The following SFXN1 variants were observed in gnomAD, a reference collection of about 807,000 sequenced individuals.
The protein encoded by SFXN1 is sideroflexin 1.
A neutral mutation model predicts 39.5 loss-of-function variants in SFXN1; 32 were observed. The observed-to-expected ratio is 0.81, with a 90% CI of 0.61 to 1.09. SFXN1 has a LOEUF of 1.09. Ranked by LOEUF, SFXN1 falls within the 50% of genes least tolerant of loss-of-function variation. SFXN1 has a pLI of 0.00. For missense variants in SFXN1, 402 were observed against 407.1 expected (o/e 0.99, Z 0.11); for synonymous variants, 136 against 146.5 (o/e 0.93, Z 0.52).
At chr5:175,524,949 G>A (rs1056618751) in intron 10 of SFXN1, among the ~76,000 whole-genome samples, 14 of 152,168 alleles carry the variant, frequency 9.2e-5, no homozygotes, top group African/African-American at 3.4e-4. Context: ...TGAAAAATTA[G>A]AAAGTCAGAA....
chr5:175,492,858 A>T (rs1282514545), intron 2 of SFXN1, among the ~76,000 whole-genome samples: 1 of 152,204 alleles, frequency 6.6e-6, no homozygotes, highest in Non-Finnish European at 1.5e-5. Context: ...CTTTTTCTGT[A>T]AAAGATCATA....
intron 2 of SFXN1, among the ~76,000 whole-genome samples, chr5:175,506,678 T>C (rs1760314346): frequency 6.6e-6 from 1 of 152,180 alleles, no homozygotes; most frequent in Non-Finnish European, 1.5e-5. Context: ...TCATTTCTTT[T>C]TTTTTTGAGA....
At chr5:175,486,456 T>C (rs557907428) in intron 1 of SFXN1, among the ~76,000 whole-genome samples, 244 of 152,336 alleles carry the variant, frequency 1.6e-3, no homozygotes, top group African/African-American at 5.7e-3. Context: ...ATAATACTTA[T>C]ATTTTATAGA....
chr5:175,497,757 T>C (rs1581279423), intron 2 of SFXN1, among the ~76,000 whole-genome samples: 1 of 152,074 alleles, frequency 6.6e-6, no homozygotes, highest in South Asian at 2.1e-4. Context: ...GGTGAAATCC[T>C]GTCTGTGCAA....
intron 6 of SFXN1, among the ~76,000 whole-genome samples, chr5:175,513,130 G>T (rs552628184): frequency 1.3e-5 from 2 of 151,622 alleles, no homozygotes; most frequent in Non-Finnish European, 2.9e-5. Flanking sequence ...GCAAAACCCC[G>T]TCTCTACTAA....
rs1031492473 is a variant in SFXN1 at position 175,528,198 on chromosome 5, C to A, written c.*1464C>A. On this transcript the variant is annotated 3_prime_UTR_variant, in exon 11 of 11. Transcript: ENST00000321442. Reference sequence around the variant, plus strand: ...TGCTGGGATTACAAGCGTGAGCCACCGCACCCGGCCTGAAAATATTTTCTA... The same window carrying A: ...TGCTGGGATTACAAGCGTGAGCCACAGCACCCGGCCTGAAAATATTTTCTA... The A allele has an allele frequency of 6.6e-6, 1 of 151,896 alleles. No homozygotes were observed. Among genetic ancestry groups the A allele is most frequent in the African/African-American group, 2.4e-5 (1 of 41,334 alleles). The allele number at this position is 151,896 out of a possible 1,614,324, so 9.4% of individuals were successfully genotyped here.
intron 10 of SFXN1, among the ~76,000 whole-genome samples, chr5:175,524,543 T>C (rs1487602310): frequency 2.0e-5 from 3 of 151,938 alleles, no homozygotes; most frequent in Non-Finnish European, 4.4e-5. Flanking sequence ...ATGTGTTGCT[T>C]TGAGAGATAT....
intron 2 of SFXN1, among the ~76,000 whole-genome samples, chr5:175,507,977 A>ATAAAAAT (rs57408993): frequency 0.016 from 2,363 of 148,432 alleles, 31 homozygotes; most frequent in Non-Finnish European, 0.026. Flanking sequence ...TGTCTTTAAA[A>ATAAAAAT]AAAAAAAAAA....
intron 1 of SFXN1, 53 bp from the exon 2 acceptor site, chr5:175,492,042 T>C: frequency 7.2e-7 from 1 of 1,392,674 alleles, no homozygotes; most frequent in Non-Finnish European, 9.8e-7. Flanking sequence ...AGTTTCTAAA[T>C]ACGTAGTGAC....
chr5:175,503,883 A>C (rs762363920), intron 2 of SFXN1, among the ~76,000 whole-genome samples: 1 of 151,814 alleles, frequency 6.6e-6, no homozygotes, highest in Admixed American at 6.6e-5. Flanking sequence ...ACGCACCTGT[A>C]ATCCCAGCTA....
intron 2 of SFXN1, among the ~76,000 whole-genome samples, chr5:175,504,251 T>C (rs533398545): frequency 1.3e-5 from 2 of 152,148 alleles, no homozygotes; most frequent in South Asian, 4.2e-4. Context: ...ATGAGCCCTT[T>C]GTTTTTTTTC....
At chr5:175,508,391 A>G (rs767713107) in intron 2 of SFXN1, among the ~76,000 whole-genome samples, 1 of 151,304 alleles carries the variant, frequency 6.6e-6, no homozygotes, top group Non-Finnish European at 1.5e-5. Context: ...ATGCCTGACT[A>G]GTTTTTATTT....
At chr5:175,501,028 G>A (rs1467782726) in intron 2 of SFXN1, among the ~76,000 whole-genome samples, 1 of 151,310 alleles carries the variant, frequency 6.6e-6, no homozygotes, top group South Asian at 2.1e-4. Flanking sequence ...TAGAGAAAAT[G>A]GGAGAAAATC....
intron 1 of SFXN1, among the ~76,000 whole-genome samples, chr5:175,489,267 T>C (rs1468397541): frequency 6.6e-6 from 1 of 152,260 alleles, no homozygotes; most frequent in South Asian, 2.1e-4. Flanking sequence ...TGTCTTATTC[T>C]GTTGTATGAT....
At chr5:175,490,822 C>T (rs1018781954) in intron 1 of SFXN1, among the ~76,000 whole-genome samples, 23 of 151,826 alleles carry the variant, frequency 1.5e-4, no homozygotes, top group African/African-American at 5.1e-4. Flanking sequence ...AAATGAACAG[C>T]GGCCACAAGG....
At chr5:175,502,692 T>C (rs1281993015) in intron 2 of SFXN1, among the ~76,000 whole-genome samples, 1 of 151,494 alleles carries the variant, frequency 6.6e-6, no homozygotes, top group African/African-American at 2.4e-5. Context: ...ATATAAAAAA[T>C]TAGCCGGGCA....
chr5:175,498,473 T>C (rs1173749157), intron 2 of SFXN1, among the ~76,000 whole-genome samples: 3 of 152,198 alleles, frequency 2.0e-5, no homozygotes, highest in African/African-American at 7.2e-5. Flanking sequence ...GCAGAGTTCA[T>C]GCTGTTAACT....
intron 2 of SFXN1, among the ~76,000 whole-genome samples, chr5:175,504,179 A>G (rs1047545376): frequency 6.6e-6 from 1 of 152,164 alleles, no homozygotes; most frequent in African/African-American, 2.4e-5. Context: ...TAACTGTTCG[A>G]AGTTTCCAAA....
Position 175,529,259 on chromosome 5 carries a change from A to G in SFXN1, c.*2525A>G, listed in dbSNP as rs1486629303. ...AGGCTGAGGTAGGAGAATCGCTTGA[A>G]TCCGGGAGCTGGAGGTTGCAGTGAG... On this transcript the variant is annotated 3_prime_UTR_variant, in exon 11 of 11. Transcript: ENST00000321442. 6.6e-6 allele frequency: 1 copy of G among 151,730 alleles called. No homozygotes were observed. The highest frequency in any genetic ancestry group is 1.9e-4 in the East Asian group (1 of 5,168). 9.4% of individuals were successfully genotyped at this position (151,730 alleles called of 1,614,324 possible).
Sources: gnomAD v4.1 joint callset for allele counts (sites outside exome capture counted in the v4.1 genomes callset) on GRCh38, gnomAD v4.1.1 for gene constraint, MANE v1.5 for transcripts, NCBI Gene and HGNC (gene_info 2026-07-23, HGNC 2026-07-21) for gene names.